TNKS: variants seen among roughly 807,000 people sequenced by gnomAD.
TNKS encodes the protein poly [ADP-ribose] polymerase tankyrase-1.
In TNKS, 72 loss-of-function variants were observed where a neutral mutation model predicts 135.8. The observed-to-expected ratio is 0.53, with a 90% CI of 0.44 to 0.64. TNKS has a LOEUF of 0.64. TNKS is among the 30% of genes least tolerant of loss of function. The pLI, the probability that TNKS is intolerant of heterozygous loss-of-function variation, is 0.00. For missense variants in TNKS, 1,769 were observed against 1,674.0 expected, an observed-to-expected ratio of 1.06 and a Z score of -0.99; for synonymous variants, 849 against 649.3, an observed-to-expected ratio of 1.31 and a Z score of -4.68.
chr8:9,763,889 C>CTTGT (rs751349826), intron 22 of TNKS, among the ~76,000 whole-genome samples: 1 of 152,070 alleles, frequency 6.6e-6, no homozygotes, highest in Admixed American at 6.5e-5. Flanking sequence ...ATGCCTAATT[C>CTTGT]TTGTTTGTTT....
intron 3 of TNKS, among the ~76,000 whole-genome samples, chr8:9,637,338 T>C (rs1033538521): frequency 1.3e-5 from 2 of 152,184 alleles, no homozygotes. Context: ...TGGTTTCCGT[T>C]CCTTCCTTCA....
intron 3 of TNKS, among the ~76,000 whole-genome samples, chr8:9,628,145 C>T (rs973595209): frequency 2.1e-5 from 3 of 140,098 alleles, no homozygotes; most frequent in Non-Finnish European, 4.6e-5. Context: ...TCTGGTAGCT[C>T]ACATCTTTTA....
intron 2 of TNKS, among the ~76,000 whole-genome samples, chr8:9,591,439 C>T (rs1336895577): frequency 6.6e-6 from 1 of 152,180 alleles, no homozygotes; most frequent in African/African-American, 2.4e-5. Flanking sequence ...TTGGATGGAT[C>T]CCTGAGAGTG....
intron 2 of TNKS, among the ~76,000 whole-genome samples, chr8:9,584,265 G>C (rs1314754315): frequency 6.6e-6 from 1 of 151,498 alleles, no homozygotes; most frequent in Admixed American, 6.6e-5. Flanking sequence ...TGATTTTGGA[G>C]ATTTTAAACT....
At chr8:9,600,427 C>A (rs758080506) in intron 2 of TNKS, among the ~76,000 whole-genome samples, 1 of 152,138 alleles carries the variant, frequency 6.6e-6, no homozygotes, top group Non-Finnish European at 1.5e-5. Context: ...GATCCTCCCA[C>A]TTCAGCTTCC....
chr8:9,712,717 C>T (rs773123443), intron 11 of TNKS, among the ~76,000 whole-genome samples: 8 of 151,782 alleles, frequency 5.3e-5, no homozygotes, highest in Admixed American at 6.6e-5. Context: ...AGGCCAACCC[C>T]GTCTCTACAA....
chr8:9,602,237 T>C (rs960287570), intron 2 of TNKS, among the ~76,000 whole-genome samples: 3 of 152,150 alleles, frequency 2.0e-5, no homozygotes, highest in Non-Finnish European at 2.9e-5. Flanking sequence ...CACTTGTAGG[T>C]TTAGCTAGTT....
intron 3 of TNKS, among the ~76,000 whole-genome samples, chr8:9,644,052 G>T (rs776071798): frequency 6.6e-6 from 1 of 152,280 alleles, no homozygotes; most frequent in African/African-American, 2.4e-5. Flanking sequence ...TCCACTTATG[G>T]AGTTACTTAG....
chr8:9,688,418 T>G (rs1173933831), intron 5 of TNKS, among the ~76,000 whole-genome samples: 2 of 152,232 alleles, frequency 1.3e-5, no homozygotes, highest in Non-Finnish European at 2.9e-5. Flanking sequence ...TTGACATTAT[T>G]AAAACAATTG....
At chr8:9,583,543 C>A (rs996463049) in intron 2 of TNKS, among the ~76,000 whole-genome samples, 1 of 151,846 alleles carries the variant, frequency 6.6e-6, no homozygotes. Context: ...GGCTGGAGTG[C>A]GGTGGCGCGA....
At chr8:9,616,779 C>A (rs1186275337) in intron 3 of TNKS, among the ~76,000 whole-genome samples, 1 of 152,102 alleles carries the variant, frequency 6.6e-6, no homozygotes, top group Non-Finnish European at 1.5e-5. Flanking sequence ...CAGTAACATA[C>A]ACTAGAGTAA....
chr8:9,635,052 C>T (rs1317062539), intron 3 of TNKS, among the ~76,000 whole-genome samples: 1 of 152,052 alleles, frequency 6.6e-6, no homozygotes, highest in Non-Finnish European at 1.5e-5. Context: ...CGCCTGTAGG[C>T]GCGGCCACTC....
intron 2 of TNKS, among the ~76,000 whole-genome samples, chr8:9,614,237 T>A (rs1481285248): frequency 1.3e-5 from 2 of 152,268 alleles, no homozygotes; most frequent in Non-Finnish European, 2.9e-5. Flanking sequence ...CTCGCCATTT[T>A]ATTCTACTGA....
chr8:9,627,533 T>G (rs1034249679), intron 3 of TNKS, among the ~76,000 whole-genome samples: 1 of 151,178 alleles, frequency 6.6e-6, no homozygotes, highest in Non-Finnish European at 1.5e-5. Context: ...CTGTTGCCTG[T>G]GGCAAAATTG....
rs1232145821 is a variant in TNKS at position 9,779,215 on chromosome 8, A to G, written c.*2479A>G. The G allele has an allele frequency of 6.5e-6, 1 of 152,672 alleles. No individual in the cohort carries two copies. Among genetic ancestry groups the G allele is most frequent in the African/African-American group, 2.4e-5 (1 of 41,458 alleles). The allele number at this position is 152,672 out of a possible 1,614,324, so 9.5% of individuals were successfully genotyped here. A position where few individuals can be genotyped will look rare whatever the true frequency, so the allele number is the denominator to read the frequency against. ...CAGAACTTGAAAACCAAAGGTCATC[A>G]TGAGTGCACTCAAAAGTTAGGACAA... On this transcript the variant is annotated 3_prime_UTR_variant, in exon 27 of 27. Transcript: ENST00000310430.
In TNKS at chr8:9,641,716, T is replaced by TA. The variant is rs1237342176; in HGVS notation, c.994+26041dup. On this transcript the variant is annotated intron_variant, in intron 3 of 26. Coordinates refer to ENST00000310430, the MANE Select transcript of TNKS (RefSeq NM_003747.3). ...AGACATTTACTTTGCAACTCAATAA[T>TA]AATGATTTACATAGAACCACCTGAT... 1.4e-5 allele frequency among the ~76,000 whole-genome samples: 2 copies of TA among 145,170 alleles called. 1 individual carries two copies. Among genetic ancestry groups the TA allele is most frequent in the Admixed American group, 1.5e-4 (2 of 13,664 alleles).
chr8:9,721,298 T>TAATATATATATATATATA (rs1554477764), intron 12 of TNKS, among the ~76,000 whole-genome samples: 2 of 118,160 alleles, frequency 1.7e-5, no homozygotes, highest in Middle Eastern at 4.8e-3. Flanking sequence ...AATAAATAAA[T>TAATATATATATATATATA]TATATATATA....
intron 2 of TNKS, among the ~76,000 whole-genome samples, chr8:9,596,251 G>A (rs989485563): frequency 6.6e-6 from 1 of 152,226 alleles, no homozygotes; most frequent in African/African-American, 2.4e-5. Context: ...ATTTTGCTTT[G>A]CATCTTTATC....
At chr8:9,731,615 G>A (rs748320407) in intron 14 of TNKS, among the ~76,000 whole-genome samples, 6 of 152,072 alleles carry the variant, frequency 3.9e-5, no homozygotes, top group South Asian at 2.1e-4. Context: ...GTGCTGTGGC[G>A]ATGGTGGTGG....
Sources: gnomAD v4.1 joint callset for allele counts (sites outside exome capture counted in the v4.1 genomes callset) on GRCh38, gnomAD v4.1.1 for gene constraint, MANE v1.5 for transcripts, NCBI Gene and HGNC (gene_info 2026-07-23, HGNC 2026-07-21) for gene names.